CFDP1: variants seen among roughly 807,000 people sequenced by gnomAD.
The protein encoded by CFDP1 is chromatin remodeling protein CFDP1.
In CFDP1, 31 loss-of-function variants were observed where a neutral mutation model predicts 40.1. The ratio of observed to expected loss-of-function variants is 0.77; its 90% CI spans 0.58 to 1.04. The LOEUF is 1.04. Ranked by LOEUF, CFDP1 falls within the 50% of genes least tolerant of loss-of-function variation. CFDP1 has a pLI of 0.00. For synonymous variants in CFDP1, 167 were observed against 120.0 expected, an observed-to-expected ratio of 1.39 and a Z score of -2.56; for missense variants, 423 against 343.4, an observed-to-expected ratio of 1.23 and a Z score of -1.83.
At chr16:75,404,457 A>C (rs1009354103) in intron 4 of CFDP1, among the ~76,000 whole-genome samples, 12 of 151,862 alleles carry the variant, frequency 7.9e-5, no homozygotes, top group Admixed American at 7.9e-4. Context: ...TCCTGACCCC[A>C]TGATCCGCCT....
intron 5 of CFDP1, among the ~76,000 whole-genome samples, chr16:75,338,255 C>G (rs915212934): frequency 2.6e-5 from 4 of 152,198 alleles, no homozygotes; most frequent in African/African-American, 9.7e-5. Flanking sequence ...GAAAAAGAGC[C>G]TCTGCCTGAG....
intron 5 of CFDP1, among the ~76,000 whole-genome samples, chr16:75,363,289 T>C (rs1026174312): frequency 6.7e-6 from 1 of 148,244 alleles, no homozygotes; most frequent in Non-Finnish European, 1.5e-5. Context: ...AAAAAAAAAA[T>C]TTTTGCCATC....
chr16:75,337,555 A>T (rs900954311), intron 5 of CFDP1, among the ~76,000 whole-genome samples: 1 of 152,202 alleles, frequency 6.6e-6, no homozygotes, highest in Non-Finnish European at 1.5e-5. Flanking sequence ...TACAAAAAAG[A>T]AGTTTAATTG....
chr16:75,427,727 A>C (rs1438320001), intron 1 of CFDP1, among the ~76,000 whole-genome samples: 2 of 152,218 alleles, frequency 1.3e-5, no homozygotes. Flanking sequence ...AAACCCAGTA[A>C]TCCCACTCCT....
chr16:75,296,934 A>G (rs1424163138), intron 6 of CFDP1, among the ~76,000 whole-genome samples: 2 of 152,226 alleles, frequency 1.3e-5, no homozygotes, highest in Admixed American at 6.5e-5. Context: ...AAAAGGTACT[A>G]AGAATGACAG....
intron 1 of CFDP1, among the ~76,000 whole-genome samples, chr16:75,428,348 G>A (rs1026723207): frequency 6.6e-6 from 1 of 152,158 alleles, no homozygotes; most frequent in Non-Finnish European, 1.5e-5. Flanking sequence ...GGGCTCAGTG[G>A]CTCACACCTG....
intron 5 of CFDP1, among the ~76,000 whole-genome samples, chr16:75,348,084 C>A (rs1307272159): frequency 6.6e-6 from 1 of 152,200 alleles, no homozygotes; most frequent in Non-Finnish European, 1.5e-5. Flanking sequence ...AATCTGAAGT[C>A]TATCGTTTAG....
At chr16:75,295,910 G>C (rs1335005357) in intron 6 of CFDP1, among the ~76,000 whole-genome samples, 4 of 152,180 alleles carry the variant, frequency 2.6e-5, no homozygotes, top group Non-Finnish European at 5.9e-5. Flanking sequence ...AGAGACCCGT[G>C]ATTCTTGAGT....
intron 5 of CFDP1, among the ~76,000 whole-genome samples, chr16:75,306,874 T>A (rs2078260732): frequency 7.1e-6 from 1 of 140,166 alleles, no homozygotes; most frequent in African/African-American, 3.0e-5. Context: ...TATGTGCGCG[T>A]GATCACACAC....
chr16:75,423,311 T>C (rs919288728), intron 1 of CFDP1, among the ~76,000 whole-genome samples: 8 of 148,272 alleles, frequency 5.4e-5, no homozygotes, highest in Non-Finnish European at 1.0e-4. Context: ...TAGATGGGCA[T>C]GATGGTGTGC....
chr16:75,322,542 A>G (rs1396903921), intron 5 of CFDP1, among the ~76,000 whole-genome samples: 2 of 152,216 alleles, frequency 1.3e-5, no homozygotes, highest in Admixed American at 1.3e-4. Context: ...ACTGTAGGCA[A>G]CTGTAACAGA....
intron 1 of CFDP1, among the ~76,000 whole-genome samples, chr16:75,423,007 G>A (rs564157110): frequency 1.3e-5 from 2 of 152,030 alleles, no homozygotes; most frequent in South Asian, 2.1e-4. Context: ...TAGGCCGGGC[G>A]CAGTGGCTCA....
chr16:75,299,321 C>G lies in CFDP1; in HGVS notation c.810-5279G>C, dbSNP rs193301912. ...AATCCTACTTGGCCGGGTGCAGTGG[C>G]TCACGCCTGTAATCCCAGCACTTTG... is the stretch of plus-strand genomic sequence containing the variant. On this transcript the variant is annotated intron_variant, in intron 6 of 6. Transcript: ENST00000283882. 4.6e-5 allele frequency among the ~76,000 whole-genome samples: 7 copies of G among 152,232 alleles called. No individual in the cohort carries two copies. In the East Asian group the frequency reaches 1.4e-3, roughly 29 times the overall value.
rs79280298 is a variant in CFDP1 at position 75,414,895 on chromosome 16, G to A, written c.65-200C>T. ...GAAGACTACCCTACGTTCTTCTATC[G>A]TAGGCTTCCATGGCAGTCTCTATTT... On this transcript the variant is annotated intron_variant, in intron 1 of 6. Coordinates refer to ENST00000283882, the MANE Select transcript of CFDP1 (RefSeq NM_006324.3). Among the ~76,000 whole-genome samples, 31 of 151,910 alleles carry A rather than the reference G, an allele frequency of 2.0e-4. No individual in the cohort carries two copies. The East Asian group carries it at 5.2e-3, about 26-fold the overall frequency.
At chr16:75,324,189 G>A (rs1190382879) in intron 5 of CFDP1, among the ~76,000 whole-genome samples, 1 of 152,094 alleles carries the variant, frequency 6.6e-6, no homozygotes, top group Non-Finnish European at 1.5e-5. Context: ...GTGCAGTAGA[G>A]CATAAGAGTC....
At position 75,376,396 on chromosome 16, in the gene CFDP1, T is replaced by G. The variant is rs144077358; in HGVS notation, c.650+18694A>C. 1.3e-3 allele frequency among the ~76,000 whole-genome samples: 197 copies of G among 152,214 alleles called. 1 individual carries two copies. The highest frequency in any genetic ancestry group is 4.5e-3 in the African/African-American group (188 of 41,508). ...ATAAACTGTGGTATATATGAACAATTTATAAAAAGCAATGAACCACTGATA... is the reference window on the plus strand; with the variant it reads ...ATAAACTGTGGTATATATGAACAATGTATAAAAAGCAATGAACCACTGATA... On this transcript the variant is annotated intron_variant, in intron 5 of 6. Coordinates refer to ENST00000283882, the MANE Select transcript of CFDP1 (RefSeq NM_006324.3).
intron 5 of CFDP1, among the ~76,000 whole-genome samples, chr16:75,333,774 A>C (rs1472165703): frequency 1.3e-5 from 2 of 152,228 alleles, no homozygotes; most frequent in Non-Finnish European, 2.9e-5. Flanking sequence ...GAAAGTTGTT[A>C]CTGTTTTTTT....
At chr16:75,354,478 G>C (rs1487463918) in intron 5 of CFDP1, among the ~76,000 whole-genome samples, 1 of 152,086 alleles carries the variant, frequency 6.6e-6, no homozygotes, top group Non-Finnish European at 1.5e-5. Flanking sequence ...GAGGTTCACA[G>C]CCTTGGTGTT....
At position 75,416,112 on chromosome 16, in the gene CFDP1, A is replaced by G. The variant is rs552493864; in HGVS notation, c.65-1417T>C. On this transcript the variant is annotated intron_variant, in intron 1 of 6. Coordinates refer to ENST00000283882, the MANE Select transcript of CFDP1 (RefSeq NM_006324.3). ...GGTGATCCAGCCGCCTTGGCCTCCC[A>G]AAGTGCTGCGATTACAGACAGGAGC... 7.9e-4 allele frequency among the ~76,000 whole-genome samples: 121 copies of G among 152,234 alleles called. 1 individual carries two copies. Among genetic ancestry groups the G allele is most frequent in the African/African-American group, 2.9e-3 (119 of 41,526 alleles).
Sources: gnomAD v4.1 joint callset for allele counts (sites outside exome capture counted in the v4.1 genomes callset) on GRCh38, gnomAD v4.1.1 for gene constraint, MANE v1.5 for transcripts, NCBI Gene and HGNC (gene_info 2026-07-23, HGNC 2026-07-21) for gene names.